HMGB1: variants seen among roughly 807,000 people sequenced by gnomAD.
HMGB1 encodes the protein high mobility group box 1, also known as high mobility group protein B1.
For synonymous variants in HMGB1, 81 were observed against 84.0 expected (o/e 0.96, Z 0.19); for missense variants, 79 against 253.5 (o/e 0.31, Z 4.67).
At chr13:30,524,269 A>G (rs1162789941) in intron 1 of HMGB1, among the ~76,000 whole-genome samples, 1 of 151,400 alleles carries the variant, frequency 6.6e-6, no homozygotes, top group Admixed American at 6.6e-5. Flanking sequence ...GCAAACCACC[A>G]TAGCACATGT....
rs1179711207 is a variant in HMGB1 at position 30,559,981 on chromosome 13, T to C, written c.-15+56690A>G. Among the ~76,000 whole-genome samples the C allele has an allele frequency of 6.6e-6, 1 of 152,178 alleles. No homozygotes were observed. The highest frequency in any genetic ancestry group is 2.4e-5 in the African/African-American group (1 of 41,442). On this transcript the variant is annotated intron_variant, in intron 1 of 4. Transcript: ENST00000405805. This position sits in a 1 kb window ranked among gnomAD's most constrained non-coding sequence, Gnocchi z 6.6. ...CTCAGATGTCACGTGTTTCTCACCA[T>C]TGAGACCCCCAAGGCACCCCCTCCC...
At chr13:30,542,744 G>T (rs535839127) in intron 1 of HMGB1, 1 of 219,634 alleles carries the variant, frequency 4.6e-6, no homozygotes, top group Non-Finnish European at 9.5e-6. Context: ...GGACTCCACA[G>T]GGGCACAGTC....
chr13:30,493,851 A>G (rs1887552715), intron 1 of HMGB1, among the ~76,000 whole-genome samples: 1 of 151,952 alleles, frequency 6.6e-6, no homozygotes, highest in Non-Finnish European at 1.5e-5. Flanking sequence ...GGTTGTGTGC[A>G]CCTGTAATCC....
At chr13:30,497,820 G>A (rs1202688789) in intron 1 of HMGB1, among the ~76,000 whole-genome samples, 2 of 152,136 alleles carry the variant, frequency 1.3e-5, no homozygotes, top group African/African-American at 4.8e-5. Context: ...ATTCCATGGT[G>A]TAAATGTACC....
chr13:30,463,734 TATGAC>T, intron 1 of HMGB1, 40 bp from the exon 2 acceptor site: 1 of 1,335,938 alleles, frequency 7.5e-7, no homozygotes, highest in Non-Finnish European at 1.0e-6. Flanking sequence ...GCAATAAAAT[TATGAC>T]ATATAAGACC....
chr13:30,563,013 G>C (rs996762950), intron 1 of HMGB1, among the ~76,000 whole-genome samples: 4 of 152,186 alleles, frequency 2.6e-5, no homozygotes, highest in Non-Finnish European at 5.9e-5. Context: ...ACATGGTTTG[G>C]GGGGTAAAAA....
intron 1 of HMGB1, chr13:30,541,508 T>C (rs1170490266): frequency 6.7e-6 from 1 of 149,754 alleles, no homozygotes; most frequent in Admixed American, 6.6e-5. Context: ...CTACGCAGTA[T>C]CACAGGCATG....
chr13:30,461,549 G>A lies in HMGB1; in HGVS notation c.472-16C>T. On this transcript the variant is annotated splice_polypyrimidine_tract_variant and intron_variant, in intron 4 of 4. Transcript: ENST00000341423. The stretch of plus-strand genomic sequence containing the variant: ...CAGCAATATCCTTCCAAAGCAAAGG[G>A]AGGATAAAACAGTAGGGAAGAAAAA... 6.3e-7 allele frequency: 1 copy of A among 1,578,660 alleles called. No homozygotes were observed. Among genetic ancestry groups the A allele is most frequent in the Middle Eastern group, 1.7e-4 (1 of 5,976 alleles).
chr13:30,524,919 G>GT (rs960077171), intron 1 of HMGB1, among the ~76,000 whole-genome samples: 20 of 152,034 alleles, frequency 1.3e-4, no homozygotes, highest in South Asian at 2.1e-4. Flanking sequence ...TATATGCGTT[G>GT]TTTTTTTATC....
Position 30,509,818 on chromosome 13 carries a change from T to C in HMGB1, c.-14-46124A>G, listed in dbSNP as rs141322319. Among the ~76,000 whole-genome samples, 258 of 152,304 alleles carry C rather than the reference T, an allele frequency of 1.7e-3. 1 individual carries two copies. Among genetic ancestry groups the C allele is most frequent in the African/African-American group, 5.7e-3 (238 of 41,548 alleles). On this transcript the variant is annotated intron_variant, in intron 1 of 4. Transcript: ENST00000405805. ...ATCTAAAATAAACCCGCGGTGTAGA[T>C]ACTATCTTCTTCATTTCCCGTAGCA...
At chr13:30,465,443 C>T (rs1248934247) in intron 1 of HMGB1, among the ~76,000 whole-genome samples, 2 of 146,378 alleles carry the variant, frequency 1.4e-5, no homozygotes, top group Non-Finnish European at 3.0e-5. Flanking sequence ...CCGCGCACGC[C>T]GCCCGCCCGA....
At chr13:30,465,547 G>T (rs1886731561) in intron 1 of HMGB1, among the ~76,000 whole-genome samples, 1 of 151,236 alleles carries the variant, frequency 6.6e-6, no homozygotes, top group Admixed American at 6.6e-5. Flanking sequence ...CGCCGCCGGG[G>T]GTGGAAACTC....
At chr13:30,463,451 T>C (rs1203850088) in intron 2 of HMGB1, 80 bp downstream of exon 2, 1 of 1,541,726 alleles carries the variant, frequency 6.5e-7, no homozygotes, top group East Asian at 2.3e-5. Flanking sequence ...ACTACGAGAA[T>C]GCCAACTAGG....
chr13:30,520,988 T>C (rs1054029804), intron 1 of HMGB1, among the ~76,000 whole-genome samples: 1 of 152,226 alleles, frequency 6.6e-6, no homozygotes, highest in African/African-American at 2.4e-5. Flanking sequence ...ATACCCATTT[T>C]CTAAGTTTGG....
At chr13:30,526,994 C>T (rs1888382520) in intron 1 of HMGB1, among the ~76,000 whole-genome samples, 1 of 152,260 alleles carries the variant, frequency 6.6e-6, no homozygotes, top group African/African-American at 2.4e-5. Flanking sequence ...TTTGGCTTTA[C>T]ATCCTGCAGC....
At chr13:30,609,507 C>A (rs1950494118) in intron 1 of HMGB1, among the ~76,000 whole-genome samples, 1 of 152,022 alleles carries the variant, frequency 6.6e-6, no homozygotes, top group African/African-American at 2.4e-5. Context: ...AAAGTTACAC[C>A]GAGTGTGCCT....
At chr13:30,570,866 A>T (rs1206389661) in intron 1 of HMGB1, among the ~76,000 whole-genome samples, 5 of 152,158 alleles carry the variant, frequency 3.3e-5, no homozygotes, top group African/African-American at 1.2e-4. Context: ...TTTCTGGGGG[A>T]GTTCTAATTT....
At chr13:30,528,413 G>A (rs1400165376) in intron 1 of HMGB1, among the ~76,000 whole-genome samples, 3 of 152,142 alleles carry the variant, frequency 2.0e-5, no homozygotes, top group Non-Finnish European at 4.4e-5. Flanking sequence ...TACTGTGGTG[G>A]GGGGAGGGTG....
At chr13:30,548,841 G>A (rs899738174) in intron 1 of HMGB1, among the ~76,000 whole-genome samples, 25 of 152,170 alleles carry the variant, frequency 1.6e-4, no homozygotes, top group Non-Finnish European at 3.5e-4. Context: ...AATGAACCAC[G>A]CTATCTTGGA....
Sources: gnomAD v4.1 joint callset for allele counts (sites outside exome capture counted in the v4.1 genomes callset) on GRCh38, gnomAD v4.1.1 for gene constraint, Gnocchi (gnomAD v3.1) non-coding constraint, MANE v1.5 for transcripts, NCBI Gene and HGNC (gene_info 2026-07-23, HGNC 2026-07-21) for gene names.